Variants in MYO1E observed in about 807,000 individuals in gnomAD.
The protein encoded by MYO1E is myosin IE, also known as unconventional myosin-Ie.
In MYO1E, 68 loss-of-function variants were observed where a neutral mutation model predicts 151.1. That is an observed-to-expected ratio of 0.45 (90% CI 0.37 to 0.55). MYO1E has a LOEUF of 0.55. Ranked by LOEUF, MYO1E falls within the 20% of genes least tolerant of loss-of-function variation. MYO1E has a pLI of 0.00. For synonymous variants in MYO1E, 601 were observed against 501.7 expected (o/e 1.20, Z -2.64); for missense variants, 1,363 against 1,389.3 (o/e 0.98, Z 0.30).
intron 2 of MYO1E, among the ~76,000 whole-genome samples, chr15:59,262,372 T>C (rs1175669597): frequency 6.6e-6 from 1 of 151,980 alleles, no homozygotes; most frequent in Non-Finnish European, 1.5e-5. Context: ...ACTCCCAGCA[T>C]GTTAGAAGGC....
At chr15:59,285,344 C>T (rs1384272876) in intron 1 of MYO1E, among the ~76,000 whole-genome samples, 1 of 141,042 alleles carries the variant, frequency 7.1e-6, no homozygotes, top group Non-Finnish European at 1.5e-5. Context: ...ACGCAAGACA[C>T]TGTCTCTTTT....
intron 1 of MYO1E, among the ~76,000 whole-genome samples, chr15:59,278,496 C>G (rs1206901816): frequency 6.6e-6 from 1 of 151,496 alleles, no homozygotes; most frequent in African/African-American, 2.4e-5. Context: ...ACTTCCACTG[C>G]AAATGATGAA....
chr15:59,336,904 C>A (rs1279102743), intron 1 of MYO1E, among the ~76,000 whole-genome samples: 2 of 152,100 alleles, frequency 1.3e-5, no homozygotes, highest in Non-Finnish European at 2.9e-5. Context: ...TCATCCATGT[C>A]CCTGCAAAGG....
At chr15:59,320,191 A>C (rs1383765677) in intron 1 of MYO1E, among the ~76,000 whole-genome samples, 1 of 152,216 alleles carries the variant, frequency 6.6e-6, no homozygotes, top group African/African-American at 2.4e-5. Flanking sequence ...GAATGGAAAA[A>C]ACATTCCATG....
intron 1 of MYO1E, among the ~76,000 whole-genome samples, chr15:59,354,258 A>T (rs747789198): frequency 2.0e-5 from 3 of 152,220 alleles, no homozygotes; most frequent in Non-Finnish European, 1.5e-5. Flanking sequence ...TTTGGAGGAG[A>T]GCAATACCAG....
At chr15:59,228,027 G>A (rs1260412554) in intron 6 of MYO1E, among the ~76,000 whole-genome samples, 6 of 152,142 alleles carry the variant, frequency 3.9e-5, no homozygotes, top group East Asian at 1.9e-4. Context: ...TATCTAGAAC[G>A]GAAACACTTT....
intron 2 of MYO1E, among the ~76,000 whole-genome samples, chr15:59,266,284 A>G (rs1392361625): frequency 6.6e-6 from 1 of 152,168 alleles, no homozygotes; most frequent in Non-Finnish European, 1.5e-5. Context: ...TTACCCACAT[A>G]ATCCTTGGTG....
chr15:59,148,796 C>T (rs1194832151), intron 26 of MYO1E, among the ~76,000 whole-genome samples: 1 of 152,180 alleles, frequency 6.6e-6, no homozygotes, highest in African/African-American at 2.4e-5. Flanking sequence ...CTGAGCACTT[C>T]CAAGACTTTT....
intron 1 of MYO1E, among the ~76,000 whole-genome samples, chr15:59,348,345 T>C (rs2140433280): frequency 6.6e-6 from 1 of 152,334 alleles, no homozygotes; most frequent in South Asian, 2.1e-4. Context: ...TTACATGGTG[T>C]GTTGCAGCAT....
intron 25 of MYO1E, among the ~76,000 whole-genome samples, chr15:59,156,585 T>TCC (rs2079510869): frequency 6.6e-6 from 1 of 152,252 alleles, no homozygotes. Flanking sequence ...TGCCTTGGTC[T>TCC]CCCAAAGTGT....
At chr15:59,335,334 T>C (rs778442334) in intron 1 of MYO1E, among the ~76,000 whole-genome samples, 1 of 152,178 alleles carries the variant, frequency 6.6e-6, no homozygotes, top group Non-Finnish European at 1.5e-5. Flanking sequence ...TCCAAGCTAC[T>C]TTCAGACACT....
At chr15:59,196,432 C>A (rs1170152543) in intron 16 of MYO1E, among the ~76,000 whole-genome samples, 1 of 152,112 alleles carries the variant, frequency 6.6e-6, no homozygotes. Context: ...CCTGTGGGTC[C>A]AAGGATGTGG....
At chr15:59,177,668 C>T (rs529862037) in intron 19 of MYO1E, among the ~76,000 whole-genome samples, 49 of 152,328 alleles carry the variant, frequency 3.2e-4, no homozygotes, top group African/African-American at 1.2e-3. Context: ...CTGAACAGAA[C>T]TTCCTGTGGA....
chr15:59,334,947 C>G (rs1429687905), intron 1 of MYO1E, among the ~76,000 whole-genome samples: 13 of 152,192 alleles, frequency 8.5e-5, no homozygotes, highest in Admixed American at 8.5e-4. Context: ...AATTGCCAAG[C>G]AGACAAAGGA....
chr15:59,200,105 A>G (rs2079791834), intron 16 of MYO1E, among the ~76,000 whole-genome samples: 1 of 152,182 alleles, frequency 6.6e-6, no homozygotes, highest in South Asian at 2.1e-4. Context: ...GCCTTCAACC[A>G]GACAAGCATA....
intron 4 of MYO1E, among the ~76,000 whole-genome samples, chr15:59,241,368 A>T (rs1395754806): frequency 5.3e-5 from 8 of 152,208 alleles, no homozygotes; most frequent in African/African-American, 1.7e-4. Context: ...CACAAAAGAA[A>T]CAACAACTAT....
chr15:59,166,658 A>T (rs1295943858), intron 22 of MYO1E, among the ~76,000 whole-genome samples: 2 of 152,042 alleles, frequency 1.3e-5, no homozygotes, highest in African/African-American at 4.8e-5. Context: ...TGCTTTTAGG[A>T]AACTGGAAGA....
At chr15:59,285,350 CTTTTT>C (rs368001329) in intron 1 of MYO1E, among the ~76,000 whole-genome samples, 1 of 74,052 alleles carries the variant, frequency 1.4e-5, no homozygotes, top group Non-Finnish European at 2.4e-5. Context: ...GACACTGTCT[CTTTTT>C]TTTTTTTTTT....
chr15:59,168,968 GTCTCTT>G (rs1490484782), intron 22 of MYO1E, among the ~76,000 whole-genome samples: 1 of 152,126 alleles, frequency 6.6e-6, no homozygotes, highest in East Asian at 1.9e-4. Flanking sequence ...AAAAGATAAA[GTCTCTT>G]TATATTAAAA....
Sources: allele counts gnomAD v4.1 joint callset (sites outside exome capture counted in the v4.1 genomes callset), GRCh38; gene constraint gnomAD v4.1.1; transcripts MANE v1.5; gene names NCBI Gene and HGNC (gene_info 2026-07-23, HGNC 2026-07-21).